The following GLIS3 variants were observed in gnomAD, a reference collection of about 807,000 sequenced individuals.
GLIS3 encodes GLIS family zinc finger 3.
A neutral mutation model predicts 78.6 loss-of-function variants in GLIS3; 53 were observed. The ratio of observed to expected loss-of-function variants is 0.67; its 90% confidence interval spans 0.54 to 0.85. The LOEUF (loss-of-function observed/expected upper bound fraction) is 0.85. Among genes scored for constraint, GLIS3 ranks in the 40% least tolerant of loss-of-function variants. The pLI, the probability that GLIS3 is intolerant of heterozygous loss-of-function variation, is 0.00. For missense variants in GLIS3, 1,703 were observed against 1,231.1 expected, an observed-to-expected ratio of 1.38 and a Z score of -5.74; for synonymous variants, 684 against 509.9, an observed-to-expected ratio of 1.34 and a Z score of -4.60.
At chr9:4,417,501 A>G in the GLIS3 span, among the ~76,000 whole-genome samples, 1 of 152,208 alleles carries the variant, frequency 6.6e-6, no homozygotes, top group South Asian at 2.1e-4. Flanking sequence ...ATGTACCAAC[A>G]CTGACATAAC....
chr9:3,985,424 A>G (rs901623688), intron 4 of GLIS3, among the ~76,000 whole-genome samples: 5 of 152,224 alleles, frequency 3.3e-5, no homozygotes, highest in South Asian at 4.1e-4. Context: ...CTGGGATTAC[A>G]GGTGTAAGCC....
At chr9:3,880,855 G>A (rs1267505048) in intron 7 of GLIS3, among the ~76,000 whole-genome samples, 1 of 152,190 alleles carries the variant, frequency 6.6e-6, no homozygotes. Flanking sequence ...GGTGTGATCT[G>A]ATTTGAAGGG....
intron 4 of GLIS3, among the ~76,000 whole-genome samples, chr9:4,084,598 A>C (rs1828861393): frequency 6.6e-6 from 1 of 152,178 alleles, no homozygotes; most frequent in Admixed American, 6.5e-5. Context: ...AAGGCTGAGC[A>C]GCCGAAGGAT....
chr9:4,319,106 A>C (rs1817482063), intron 2 of GLIS3, among the ~76,000 whole-genome samples: 1 of 152,220 alleles, frequency 6.6e-6, no homozygotes, highest in Non-Finnish European at 1.5e-5. Flanking sequence ...GGTAAAGGAG[A>C]CAAAATATAC....
At chr9:4,063,559 T>TAA (rs200576222) in intron 4 of GLIS3, among the ~76,000 whole-genome samples, 1 of 144,276 alleles carries the variant, frequency 6.9e-6, no homozygotes, top group South Asian at 2.2e-4. Context: ...GTTCATGATT[T>TAA]AAAAAAAAAA....
At chr9:4,439,204 C>A in the GLIS3 span, among the ~76,000 whole-genome samples, 1 of 152,074 alleles carries the variant, frequency 6.6e-6, no homozygotes. Context: ...ATTCCAAAAG[C>A]CATAATTTTT....
chr9:4,381,968 T>C, the GLIS3 span, among the ~76,000 whole-genome samples: 2 of 152,226 alleles, frequency 1.3e-5, no homozygotes, highest in African/African-American at 4.8e-5. Flanking sequence ...ACAGGCTGGG[T>C]GGAATCCCTT....
chr9:4,037,732 AC>A (rs1220165859), intron 4 of GLIS3, among the ~76,000 whole-genome samples: 7 of 152,296 alleles, frequency 4.6e-5, no homozygotes, highest in Non-Finnish European at 5.9e-5. Context: ...TGAATTTCAA[AC>A]CTCAGATTGT....
chr9:3,879,453 G>C lies in GLIS3; in HGVS notation c.2271C>G (p.Leu757=), dbSNP rs773796214. ...PHNPSSQLPP[L]TAVDAGAERF... ...TCTCAGCTCCTGCGTCCACAGCTGTGAGTGGAGGTAACTGGGAGGAGGGGT... is the reference window on the plus strand; with the variant it reads ...TCTCAGCTCCTGCGTCCACAGCTGTCAGTGGAGGTAACTGGGAGGAGGGGT... Residue 757 remains leucine, a synonymous_variant, in exon 8 of 11, where the codon CTC becomes CTG. Transcript: ENST00000381971. 1 of 1,614,126 alleles carries C rather than the reference G, an allele frequency of 6.2e-7. No homozygotes were observed. The highest frequency in any genetic ancestry group is 1.1e-5 in the South Asian group (1 of 91,074).
chr9:4,391,417 C>G, the GLIS3 span, among the ~76,000 whole-genome samples: 1 of 152,126 alleles, frequency 6.6e-6, no homozygotes, highest in Non-Finnish European at 1.5e-5. Flanking sequence ...GGATTAATAA[C>G]AGTAGACTTT....
At chr9:4,325,174 T>A (rs1257691357) in intron 2 of GLIS3, among the ~76,000 whole-genome samples, 1 of 152,214 alleles carries the variant, frequency 6.6e-6, no homozygotes, top group Non-Finnish European at 1.5e-5. Context: ...TATACTTGAA[T>A]GCATAAATGT....
At chr9:4,304,494 C>T (rs1218534489), upstream of GLIS3, among the ~76,000 whole-genome samples, 1 of 152,112 alleles carries the variant, frequency 6.6e-6, no homozygotes, top group Admixed American at 6.6e-5. Flanking sequence ...TGTCTGACAC[C>T]CACTACTAAA....
chr9:4,194,767 C>G (rs558169107), intron 2 of GLIS3, among the ~76,000 whole-genome samples: 1 of 152,188 alleles, frequency 6.6e-6, no homozygotes, highest in Admixed American at 6.5e-5. Context: ...ACTGAAGCTC[C>G]GGGCAACCCT....
At chr9:3,898,877 G>C in intron 6 of GLIS3, 42 bp from the exon 7 acceptor site, 1 of 1,612,438 alleles carries the variant, frequency 6.2e-7, no homozygotes, top group Non-Finnish European at 8.5e-7. Context: ...AGGAGAGCCG[G>C]TCCTTGGAAT....
At chr9:4,354,091 C>T in the GLIS3 span, among the ~76,000 whole-genome samples, 1 of 151,834 alleles carries the variant, frequency 6.6e-6, no homozygotes, top group African/African-American at 2.4e-5. Context: ...CTGCCTCAGC[C>T]TCCCAAAGCG....
intron 2 of GLIS3, among the ~76,000 whole-genome samples, chr9:4,194,417 A>C (rs35311272): frequency 0.14 from 20,593 of 152,174 alleles, 1,541 homozygotes; most frequent in Middle Eastern, 0.23. Flanking sequence ...GAATGTTGAA[A>C]CTAGTAACAA....
chr9:4,133,865 CACACACACA>C (rs1564098481), intron 2 of GLIS3, among the ~76,000 whole-genome samples: 110 of 139,672 alleles, frequency 7.9e-4, no homozygotes, highest in South Asian at 2.4e-3. Context: ...CACACACACA[CACACACACA>C]CCGTACATCT....
chr9:4,176,823 C>T (rs572283540), intron 2 of GLIS3, among the ~76,000 whole-genome samples: 1 of 152,330 alleles, frequency 6.6e-6, no homozygotes, highest in Non-Finnish European at 1.5e-5. Context: ...GGGGTTTCAC[C>T]ACATTGGCCA....
chr9:3,962,952 G>A (rs911495299), intron 4 of GLIS3, among the ~76,000 whole-genome samples: 1 of 150,996 alleles, frequency 6.6e-6, no homozygotes, highest in Non-Finnish European at 1.5e-5. Context: ...TTTAAGGGGG[G>A]GGGGGGGAGA....
Sources: allele counts gnomAD v4.1 joint callset (sites outside exome capture counted in the v4.1 genomes callset), GRCh38; gene constraint gnomAD v4.1.1; transcripts MANE v1.5; gene names NCBI Gene and HGNC (gene_info 2026-07-23, HGNC 2026-07-21).